DLGAP4: variants seen among roughly 807,000 people sequenced by gnomAD.
DLGAP4 encodes the protein DLG associated protein 4.
A neutral mutation model predicts 86.9 loss-of-function variants in DLGAP4; 18 were observed. The ratio of observed to expected loss-of-function variants is 0.21; its 90% confidence interval spans 0.14 to 0.31. DLGAP4 has a LOEUF of 0.31. Ranked by LOEUF, DLGAP4 falls within the 10% of genes least tolerant of loss-of-function variation. The probability of loss-of-function intolerance (pLI) is 1.00; values close to 1 mark genes in which losing one functional copy is unlikely to be tolerated. For missense variants in DLGAP4, 1,085 were observed against 1,362.6 expected (o/e 0.80, Z 3.21); for synonymous variants, 548 against 574.3 (o/e 0.95, Z 0.65).
At chr20:36,521,341 CTG>C (rs1337134495) in intron 10 of DLGAP4, among the ~76,000 whole-genome samples, 1 of 152,184 alleles carries the variant, frequency 6.6e-6, no homozygotes, top group African/African-American at 2.4e-5. Flanking sequence ...TTCCATGCCT[CTG>C]AATCTCTTTT....
intron 7 of DLGAP4, among the ~76,000 whole-genome samples, chr20:36,466,946 G>GTC (rs1187637533): frequency 0.01 from 997 of 95,012 alleles, 14 homozygotes; most frequent in African/African-American, 0.033. Context: ...CTCTCTCTCT[G>GTC]TCTCTCTCTC....
chr20:36,412,496 A>G (rs73905355), intron 2 of DLGAP4, among the ~76,000 whole-genome samples: 17,403 of 152,286 alleles, frequency 0.11, 1,100 homozygotes, highest in East Asian at 0.2. Flanking sequence ...CATTAGTGGC[A>G]TGGGCTCTGG....
At chr20:36,439,904 T>A in intron 5 of DLGAP4, 36 bp downstream of exon 5, 1 of 1,566,742 alleles carries the variant, frequency 6.4e-7, no homozygotes, top group Non-Finnish European at 8.7e-7. Flanking sequence ...GTCAGGGGGC[T>A]TGGGTACTGA....
At chr20:36,465,936 G>A (rs1018009331) in intron 7 of DLGAP4, among the ~76,000 whole-genome samples, 1 of 152,160 alleles carries the variant, frequency 6.6e-6, no homozygotes, top group Non-Finnish European at 1.5e-5. Context: ...ACCTCCCCCA[G>A]GAAGTTTGTC....
At chr20:36,429,227 C>T (rs564438281) in intron 2 of DLGAP4, among the ~76,000 whole-genome samples, 1 of 151,762 alleles carries the variant, frequency 6.6e-6, no homozygotes, top group Non-Finnish European at 1.5e-5. Flanking sequence ...TATAGGCGCA[C>T]GCCATCACAC....
intron 7 of DLGAP4, among the ~76,000 whole-genome samples, chr20:36,470,768 A>C (rs1309046928): frequency 6.6e-6 from 1 of 151,976 alleles, no homozygotes; most frequent in African/African-American, 2.4e-5. Context: ...TTTTTCATGT[A>C]AGTCTCTGTT....
intron 7 of DLGAP4, among the ~76,000 whole-genome samples, chr20:36,472,939 A>C (rs1176445186): frequency 6.6e-6 from 1 of 152,136 alleles, no homozygotes; most frequent in Non-Finnish European, 1.5e-5. Context: ...CAGGCTACAG[A>C]CAGGCAGTGG....
At chr20:36,489,354 C>A (rs1367959192) in intron 7 of DLGAP4, among the ~76,000 whole-genome samples, 1 of 152,222 alleles carries the variant, frequency 6.6e-6, no homozygotes, top group Non-Finnish European at 1.5e-5. Context: ...CTGTTAGCAT[C>A]AGAATCATTA....
intron 3 of DLGAP4, among the ~76,000 whole-genome samples, chr20:36,433,526 G>A (rs1302057215): frequency 6.6e-6 from 1 of 152,178 alleles, no homozygotes; most frequent in African/African-American, 2.4e-5. Context: ...CCAGGCTGTG[G>A]GTGGAAATTA....
chr20:36,515,972 T>C (rs182781602), intron 10 of DLGAP4, among the ~76,000 whole-genome samples: 1 of 152,252 alleles, frequency 6.6e-6, no homozygotes, highest in Non-Finnish European at 1.5e-5. Flanking sequence ...ATGCCATTAA[T>C]TGGCTTTCAT....
In DLGAP4 at chr20:36,442,753, C is replaced by T; in HGVS notation, c.1383C>T (p.Pro461=). The T allele has an allele frequency of 1.2e-6, 2 of 1,614,210 alleles. No individual in the cohort carries two copies. Among genetic ancestry groups the T allele is most frequent in the South Asian group, 2.2e-5 (2 of 91,086 alleles). Residue 461 remains proline (P), a synonymous_variant, in exon 6 of 13, where the codon CCC becomes CCT. Coordinates refer to ENST00000339266, the MANE Select transcript of DLGAP4 (RefSeq NM_001365621.2). ...SQIFGQASLI[P]QLFGHEQQVR... The stretch of plus-strand genomic sequence containing the variant: ...TTTTTGGACAGGCCTCCCTGATCCC[C>T]CAGTTGTTTGGCCATGAGCAGCAGG...
Position 36,357,712 on chromosome 20 carries a change from A to G in DLGAP4, c.-303-9333A>G, listed in dbSNP as rs543155399. On this transcript the variant is annotated intron_variant, in intron 1 of 12. Transcript: ENST00000339266. ...TCGGAGAATGGTTCCGAGAAAAGAA[A>G]AGTAGGGCAGGTGAGAGTGGGCCAC... 1.1e-3 allele frequency among the ~76,000 whole-genome samples: 173 copies of G among 152,320 alleles called. 1 individual carries two copies. The highest frequency in any genetic ancestry group is 4.1e-3 in the African/African-American group (172 of 41,574).
intron 1 of DLGAP4, among the ~76,000 whole-genome samples, chr20:36,360,194 G>A (rs140241349): frequency 2.5e-4 from 38 of 152,304 alleles, no homozygotes; most frequent in African/African-American, 9.1e-4. Context: ...TTTGCAGACA[G>A]GGAACACTGA....
chr20:36,333,672 G>T (rs1282553760), intron 1 of DLGAP4, among the ~76,000 whole-genome samples: 4 of 152,206 alleles, frequency 2.6e-5, no homozygotes, highest in African/African-American at 9.6e-5. Context: ...CTGCCCTTCT[G>T]CCCTGCACAT....
Position 36,455,900 on chromosome 20 carries a change from C to T in DLGAP4, c.1648+8963C>T, listed in dbSNP as rs529327817. Among the ~76,000 whole-genome samples the T allele has an allele frequency of 4.6e-5, 7 of 152,268 alleles. No homozygotes were observed. In the East Asian group the frequency reaches 7.7e-4, roughly 17 times the overall value. Reference sequence around the variant, plus strand: ...GGGCCCACCTGTCCCCTCACTCCACCGCAGGCTCTTGTCAGCCCAACGCCT... The same window carrying T: ...GGGCCCACCTGTCCCCTCACTCCACTGCAGGCTCTTGTCAGCCCAACGCCT... On this transcript the variant is annotated intron_variant, in intron 7 of 12. Coordinates refer to ENST00000339266, the MANE Select transcript of DLGAP4 (RefSeq NM_001365621.2).
rs12329601 is a variant in DLGAP4, at chr20:36,521,651, A to T, written c.2513-2599A>T. On this transcript the variant is annotated intron_variant, in intron 10 of 12. Coordinates refer to ENST00000339266, the MANE Select transcript of DLGAP4 (RefSeq NM_001365621.2). ...CTGCTACTCAGGACAAGTCCTCAGC[A>T]GGGTTGAATCTCTGTACGATCTCCA... 8.5e-3 allele frequency among the ~76,000 whole-genome samples: 1,293 copies of T among 152,350 alleles called. 7 individuals are homozygous for T. Among genetic ancestry groups the T allele is most frequent in the Middle Eastern group, 0.044 (13 of 294 alleles).
intron 10 of DLGAP4, among the ~76,000 whole-genome samples, chr20:36,504,582 T>C (rs554808247): frequency 1.3e-5 from 2 of 152,328 alleles, no homozygotes; most frequent in South Asian, 4.1e-4. Flanking sequence ...CTGCTTTCCA[T>C]AGAAGCTATA....
intron 8 of DLGAP4, 46 bp downstream of exon 8, chr20:36,497,112 C>A: frequency 2.0e-6 from 3 of 1,536,162 alleles, no homozygotes; most frequent in Non-Finnish European, 8.8e-7. Context: ...ACTCCGTGCA[C>A]CTGCCTGTGT....
chr20:36,462,642 G>C, intron 7 of DLGAP4: 1 of 1,559,834 alleles, frequency 6.4e-7, no homozygotes, highest in Non-Finnish European at 8.6e-7. Context: ...TTGGCCCGCA[G>C]GCTGGCCGCG....
Sources: allele counts gnomAD v4.1 joint callset (sites outside exome capture counted in the v4.1 genomes callset), GRCh38; gene constraint gnomAD v4.1.1; transcripts MANE v1.5; gene names NCBI Gene and HGNC (gene_info 2026-07-23, HGNC 2026-07-21).